The following SDK1 variants were observed in gnomAD, a reference collection of about 807,000 sequenced individuals.
SDK1 encodes sidekick cell adhesion molecule 1, also known as protein sidekick-1.
A neutral mutation model predicts 245.5 loss-of-function variants in SDK1; 157 were observed. The observed-to-expected ratio is 0.64, with a 90% CI of 0.56 to 0.73. The LOEUF is 0.73. SDK1 is among the 30% of genes least tolerant of loss of function. The probability of loss-of-function intolerance (pLI) is 0.00; values close to 1 mark genes in which losing one functional copy is unlikely to be tolerated. For synonymous variants in SDK1, 1,647 were observed against 1,278.5 expected, an observed-to-expected ratio of 1.29 and a Z score of -6.15; for missense variants, 3,583 against 3,002.3, an observed-to-expected ratio of 1.19 and a Z score of -4.52.
intron 5 of SDK1, among the ~76,000 whole-genome samples, chr7:3,877,272 T>A (rs1465865837): frequency 6.6e-6 from 1 of 152,228 alleles, no homozygotes; most frequent in Non-Finnish European, 1.5e-5. Context: ...CTCTGAGCTA[T>A]GTTTCCTCCA....
intron 4 of SDK1, among the ~76,000 whole-genome samples, chr7:3,671,882 T>C (rs957266259): frequency 1.3e-5 from 2 of 152,188 alleles, no homozygotes; most frequent in African/African-American, 4.8e-5. Flanking sequence ...TGGGCAGGTT[T>C]TTGTTTGCTT....
intron 1 of SDK1, among the ~76,000 whole-genome samples, chr7:3,604,689 A>G (rs1306609077): frequency 7.5e-6 from 1 of 132,936 alleles, no homozygotes; most frequent in Non-Finnish European, 1.6e-5. Flanking sequence ...TGCAACCTCT[A>G]CCTCCTGGGT....
At chr7:3,924,861 G>C (rs79002895) in intron 5 of SDK1, among the ~76,000 whole-genome samples, 75 of 152,248 alleles carry the variant, frequency 4.9e-4, no homozygotes, top group African/African-American at 1.8e-3. Flanking sequence ...GGGGTCTGCT[G>C]CCTTCATGGT....
chr7:3,499,349 AG>A (rs1782122865), intron 1 of SDK1, among the ~76,000 whole-genome samples: 1 of 152,176 alleles, frequency 6.6e-6, no homozygotes, highest in East Asian at 1.9e-4. Flanking sequence ...TTAATGACTT[AG>A]CCATTTTTTG....
chr7:3,574,863 AC>A (rs1780234594), intron 1 of SDK1, among the ~76,000 whole-genome samples: 1 of 152,090 alleles, frequency 6.6e-6, no homozygotes, highest in Non-Finnish European at 1.5e-5. Flanking sequence ...GAAGAGAAGT[AC>A]CAATTTTACA....
At chr7:3,726,351 T>A (rs1223830549) in intron 4 of SDK1, among the ~76,000 whole-genome samples, 1 of 152,204 alleles carries the variant, frequency 6.6e-6, no homozygotes, top group Non-Finnish European at 1.5e-5. Context: ...TTAAGATAGT[T>A]GGTATAGGCA....
Position 3,797,528 on chromosome 7 carries a change from C to A in SDK1, c.714-23922C>A, listed in dbSNP as rs138404014. 7.0e-3 allele frequency among the ~76,000 whole-genome samples: 1,054 copies of A among 151,290 alleles called. 12 individuals carry two copies. The highest frequency in any genetic ancestry group is 0.024 in the African/African-American group (1,007 of 41,234). On this transcript the variant is annotated intron_variant, in intron 4 of 44. Transcript: ENST00000404826. ...TTGCCGATGTTTTAAAAAATTAGATCATATTTTATATGCTTTACTCTATGT... is the reference window on the plus strand; with the variant it reads ...TTGCCGATGTTTTAAAAAATTAGATAATATTTTATATGCTTTACTCTATGT...
chr7:3,610,983 C>T (rs1016506106), intron 1 of SDK1, among the ~76,000 whole-genome samples: 2 of 152,170 alleles, frequency 1.3e-5, no homozygotes, highest in Admixed American at 6.5e-5. Context: ...TCAAGGAATA[C>T]GCAGCACAAT....
intron 1 of SDK1, among the ~76,000 whole-genome samples, chr7:3,537,602 C>T (rs1778924895): frequency 6.6e-6 from 1 of 152,106 alleles, no homozygotes; most frequent in Non-Finnish European, 1.5e-5. Flanking sequence ...AAAAATAATC[C>T]AGTTTTTCTT....
In SDK1 at chr7:4,175,853, G is replaced by A; in HGVS notation, c.4996+19G>A. ...CTAACACGTAAGTGCGCTCTCAGCGGGAGGCCCATGCCGCGAGGCGCACAC... is the reference window on the plus strand; with the variant it reads ...CTAACACGTAAGTGCGCTCTCAGCGAGAGGCCCATGCCGCGAGGCGCACAC... On this transcript the variant is annotated intron_variant, in intron 34 of 44. Coordinates refer to ENST00000404826, the MANE Select transcript of SDK1 (RefSeq NM_152744.4). The A allele has an allele frequency of 6.2e-7, 1 of 1,608,510 alleles. No individual in the cohort carries two copies. The highest frequency in any genetic ancestry group is 8.5e-7 in the Non-Finnish European group (1 of 1,176,938).
chr7:3,452,752 C>G (rs1459893199), intron 1 of SDK1, among the ~76,000 whole-genome samples: 1 of 152,178 alleles, frequency 6.6e-6, no homozygotes, highest in Non-Finnish European at 1.5e-5. Context: ...CCCTCCTCCA[C>G]CACCCTGTTA....
chr7:4,198,182 G>C (rs1205938454), intron 35 of SDK1, among the ~76,000 whole-genome samples: 1 of 152,198 alleles, frequency 6.6e-6, no homozygotes, highest in African/African-American at 2.4e-5. Flanking sequence ...ATGTCCTGTA[G>C]CTCCTGTTTC....
chr7:3,549,161 T>C (rs2128622568), intron 1 of SDK1, among the ~76,000 whole-genome samples: 1 of 152,402 alleles, frequency 6.6e-6, no homozygotes, highest in East Asian at 1.9e-4. Flanking sequence ...GTCTTTGTTA[T>C]CTTTCATGCA....
chr7:4,009,502 T>C (rs994269149), intron 14 of SDK1, among the ~76,000 whole-genome samples: 1 of 152,180 alleles, frequency 6.6e-6, no homozygotes, highest in African/African-American at 2.4e-5. Flanking sequence ...TAACTGGGAA[T>C]GCGCACATTT....
In SDK1 at chr7:3,406,138, C is replaced by A. The variant is rs202173422; in HGVS notation, c.298+104254C>A. ...TGTTGTGCTTAATTTTCTAAACAAA[C>A]TCTAGAACAAGTTAAGTGGTTAATC... On this transcript the variant is annotated intron_variant, in intron 1 of 44. Coordinates refer to ENST00000404826, the MANE Select transcript of SDK1 (RefSeq NM_152744.4). Among the ~76,000 whole-genome samples the A allele has an allele frequency of 1.5e-3, 235 of 152,274 alleles. 2 individuals carry two copies. Among genetic ancestry groups the A allele is most frequent in the Non-Finnish European group, 2.5e-3 (167 of 67,998 alleles).
intron 4 of SDK1, among the ~76,000 whole-genome samples, chr7:3,659,415 A>T (rs1783286269): frequency 6.6e-6 from 1 of 152,186 alleles, no homozygotes; most frequent in African/African-American, 2.4e-5. Flanking sequence ...TAATATTTAT[A>T]CCAAAATTTG....
intron 4 of SDK1, among the ~76,000 whole-genome samples, chr7:3,735,803 C>G (rs1779302371): frequency 6.6e-6 from 1 of 152,214 alleles, no homozygotes; most frequent in African/African-American, 2.4e-5. Flanking sequence ...CACAAGATCT[C>G]CAGTTTCCCC....
intron 35 of SDK1, among the ~76,000 whole-genome samples, chr7:4,187,485 T>G (rs1301611112): frequency 6.6e-6 from 1 of 152,216 alleles, no homozygotes; most frequent in Non-Finnish European, 1.5e-5. Context: ...GATACAGGGC[T>G]CAGGTTGCAT....
At chr7:3,867,274 G>T (rs1240999466) in intron 5 of SDK1, among the ~76,000 whole-genome samples, 1 of 152,052 alleles carries the variant, frequency 6.6e-6, no homozygotes, top group African/African-American at 2.4e-5. Flanking sequence ...AGAAAGAGTG[G>T]ACTCTTCATT....
Sources: gnomAD v4.1 joint callset for allele counts (sites outside exome capture counted in the v4.1 genomes callset) on GRCh38, gnomAD v4.1.1 for gene constraint, MANE v1.5 for transcripts, NCBI Gene and HGNC (gene_info 2026-07-23, HGNC 2026-07-21) for gene names.